Variants in MCPH1 observed in about 807,000 individuals in gnomAD.
The protein encoded by MCPH1 is microcephalin.
MCPH1 carries 104 observed loss-of-function variants against 84.5 expected under a neutral mutation model. The observed-to-expected ratio is 1.23, with a 90% confidence interval of 1.05 to 1.45. The LOEUF (loss-of-function observed/expected upper bound fraction) is 1.45. MCPH1 is among the 40% of genes most tolerant of loss of function. The pLI, the probability that MCPH1 is intolerant of heterozygous loss-of-function variation, is 0.00. For synonymous variants in MCPH1, 514 were observed against 366.8 expected (o/e 1.40, Z -4.58); for missense variants, 1,498 against 1,005.7 (o/e 1.49, Z -6.62).
At chr8:6,455,100 C>T (rs750785828) in intron 8 of MCPH1, 43 bp from the exon 9 acceptor site, 2 of 1,447,740 alleles carry the variant, frequency 1.4e-6, no homozygotes, top group South Asian at 1.1e-5. Flanking sequence ...TGTATTTGGT[C>T]CATGTAAAGT....
chr8:6,411,592 A>C (rs1399242592), intron 2 of MCPH1, among the ~76,000 whole-genome samples: 1 of 152,204 alleles, frequency 6.6e-6, no homozygotes, highest in Non-Finnish European at 1.5e-5. Flanking sequence ...TCTAATCTTG[A>C]AATTGTGAAG....
chr8:6,540,201 AAT>A (rs769113155), intron 12 of MCPH1, among the ~76,000 whole-genome samples: 7 of 152,234 alleles, frequency 4.6e-5, no homozygotes, highest in Non-Finnish European at 7.4e-5. Flanking sequence ...CATATATTTG[AAT>A]ATATGTTTTT....
intron 3 of MCPH1, among the ~76,000 whole-genome samples, chr8:6,428,764 C>CAG (rs1057108053): frequency 2.0e-5 from 3 of 149,894 alleles, no homozygotes; most frequent in African/African-American, 7.3e-5. Context: ...CACACACACA[C>CAG]ACACAGAAGA....
At chr8:6,539,952 C>G (rs1315283286) in intron 12 of MCPH1, among the ~76,000 whole-genome samples, 2 of 152,160 alleles carry the variant, frequency 1.3e-5, no homozygotes, top group Non-Finnish European at 2.9e-5. Context: ...CCTACTTTCG[C>G]TAGTATAAGA....
chr8:6,623,090 C>T (rs577282989), intron 13 of MCPH1, among the ~76,000 whole-genome samples: 1 of 145,724 alleles, frequency 6.9e-6, no homozygotes, highest in Non-Finnish European at 1.5e-5. Context: ...GGGGCTCAAG[C>T]GATCCTCCTG....
intron 12 of MCPH1, among the ~76,000 whole-genome samples, chr8:6,611,457 G>A (rs976930660): frequency 2.0e-5 from 3 of 152,130 alleles, no homozygotes; most frequent in Admixed American, 2.0e-4. Flanking sequence ...CATCACAAAC[G>A]TTATTTTGAA....
At position 6,445,545 on chromosome 8, in the gene MCPH1, G is replaced by C. The variant is rs1031822642; in HGVS notation, c.1823G>C (p.Gly608Ala). 2 of 1,582,624 alleles carry C rather than the reference G, an allele frequency of 1.3e-6. No homozygotes were observed. Among genetic ancestry groups the C allele is most frequent in the Admixed American group, 1.9e-5 (1 of 53,976 alleles). The part of the protein sequence containing the change: ...EKENLPGGYS[G>A]SVKNRPTRHD... ...GAAAACTTACCCGGAGGATACAGTG[G>C]AAGTATGTGAATCTCCTTTTCCAAG... Residue 608 changes from glycine to alanine, a missense_variant and splice_region_variant, in exon 8 of 14, where the codon GGA becomes GCA. Gly to Ala is a moderately conservative substitution (Grantham distance 60, BLOSUM62 0). Coordinates refer to ENST00000344683, the MANE Select transcript of MCPH1 (RefSeq NM_024596.5).
At chr8:6,537,560 A>T (rs1406064768) in intron 12 of MCPH1, among the ~76,000 whole-genome samples, 1 of 146,226 alleles carries the variant, frequency 6.8e-6, no homozygotes, top group East Asian at 2.0e-4. Context: ...ATATATATAT[A>T]TGTTTACATT....
intron 7 of MCPH1, among the ~76,000 whole-genome samples, chr8:6,442,779 A>G (rs1378297334): frequency 6.6e-6 from 1 of 152,242 alleles, no homozygotes; most frequent in Non-Finnish European, 1.5e-5. Context: ...GTGATCCCTG[A>G]AAGTACTATG....
intron 12 of MCPH1, chr8:6,503,030 G>T: frequency 6.4e-7 from 1 of 1,574,604 alleles, no homozygotes; most frequent in Non-Finnish European, 8.7e-7. Context: ...GTGCGCAGCC[G>T]TGACTTTCAG....
chr8:6,434,336 C>G (rs898439740), intron 4 of MCPH1, among the ~76,000 whole-genome samples: 4 of 152,288 alleles, frequency 2.6e-5, no homozygotes, highest in Non-Finnish European at 5.9e-5. Context: ...GCAGAGCCTC[C>G]AGGCAAATCC....
At chr8:6,518,748 ATATG>A (rs1385871733) in intron 12 of MCPH1, among the ~76,000 whole-genome samples, 2 of 152,200 alleles carry the variant, frequency 1.3e-5, no homozygotes, top group African/African-American at 4.8e-5. Flanking sequence ...TGTTGGTTCA[ATATG>A]TAGCTGCTTT....
chr8:6,415,314 G>GTTTTTTTTTTTTTTTT (rs1799114013), intron 3 of MCPH1, among the ~76,000 whole-genome samples: 1 of 116,930 alleles, frequency 8.6e-6, no homozygotes. Context: ...TTGAGACAAA[G>GTTTTTTTTTTTTTTTT]TCTTGCTCTG....
intron 12 of MCPH1, among the ~76,000 whole-genome samples, chr8:6,534,545 G>A (rs887579865): frequency 5.9e-5 from 9 of 152,102 alleles, no homozygotes; most frequent in African/African-American, 1.7e-4. Flanking sequence ...CTGGGACTAC[G>A]AGCGTGAGCC....
At chr8:6,427,457 A>G (rs1431064870) in intron 3 of MCPH1, among the ~76,000 whole-genome samples, 1 of 152,012 alleles carries the variant, frequency 6.6e-6, no homozygotes, top group Non-Finnish European at 1.5e-5. Flanking sequence ...CTGTAGCCTC[A>G]ACCTCCTAGG....
intron 12 of MCPH1, among the ~76,000 whole-genome samples, chr8:6,543,595 GT>G (rs1192061053): frequency 6.6e-6 from 1 of 152,172 alleles, no homozygotes; most frequent in Non-Finnish European, 1.5e-5. Context: ...GAAAAGAAAT[GT>G]GTTCTTTCCT....
At chr8:6,595,923 G>T (rs186361713) in intron 12 of MCPH1, among the ~76,000 whole-genome samples, 1 of 152,332 alleles carries the variant, frequency 6.6e-6, no homozygotes, top group Non-Finnish European at 1.5e-5. Context: ...AAAAAGGGAA[G>T]ACGATTAATC....
At chr8:6,518,716 C>G (rs1038430292) in intron 12 of MCPH1, among the ~76,000 whole-genome samples, 6 of 152,292 alleles carry the variant, frequency 3.9e-5, no homozygotes, top group Non-Finnish European at 5.9e-5. Flanking sequence ...ACAGTATCCA[C>G]TGTATTCTCT....
intron 12 of MCPH1, among the ~76,000 whole-genome samples, chr8:6,617,519 A>T (rs1421676961): frequency 6.6e-6 from 1 of 152,154 alleles, no homozygotes; most frequent in East Asian, 1.9e-4. Context: ...AGGTAACAAC[A>T]AAAATAAAAC....
Sources: gnomAD v4.1 joint callset for allele counts (sites outside exome capture counted in the v4.1 genomes callset) on GRCh38, gnomAD v4.1.1 for gene constraint, MANE v1.5 for transcripts, NCBI Gene and HGNC (gene_info 2026-07-23, HGNC 2026-07-21) for gene names.